The following DISC1 variants were observed in gnomAD, a reference collection of about 807,000 sequenced individuals.
The protein encoded by DISC1 is DISC1 scaffold protein, also known as disrupted in schizophrenia 1 protein.
In DISC1, 57 loss-of-function variants were observed where a neutral mutation model predicts 84.5. That is an observed-to-expected ratio of 0.67 (90% CI 0.55 to 0.84). The LOEUF (loss-of-function observed/expected upper bound fraction) is 0.84. DISC1 is among the 40% of genes least tolerant of loss of function. DISC1 has a pLI of 0.00. For missense variants in DISC1, 1,000 were observed against 1,057.8 expected, an observed-to-expected ratio of 0.95 and a Z score of 0.76; for synonymous variants, 411 against 415.2, an observed-to-expected ratio of 0.99 and a Z score of 0.12.
chr1:231,800,306 A>G (rs2079128698), intron 8 of DISC1, 96 bp downstream of exon 8: 1 of 969,660 alleles, frequency 1.0e-6, no homozygotes, highest in Non-Finnish European at 1.6e-6. Context: ...TTCCACTGTT[A>G]TTATGTCATT....
At chr1:231,953,892 A>G (rs1028178968) in intron 9 of DISC1, among the ~76,000 whole-genome samples, 2 of 152,242 alleles carry the variant, frequency 1.3e-5, no homozygotes, top group East Asian at 1.9e-4. Context: ...AGTTTCTTCA[A>G]ATCACTGGTC....
chr1:231,770,536 G>A (rs535706697), intron 5 of DISC1, among the ~76,000 whole-genome samples: 164 of 152,276 alleles, frequency 1.1e-3, no homozygotes, highest in Non-Finnish European at 1.8e-3. Context: ...TCATCCATCC[G>A]AAATGAAGTA....
At chr1:231,736,019 G>GCCCAGT (rs2072446489) in intron 3 of DISC1, among the ~76,000 whole-genome samples, 1 of 152,114 alleles carries the variant, frequency 6.6e-6, no homozygotes, top group South Asian at 2.1e-4. Context: ...TTGCTATGTT[G>GCCCAGT]CCCAGTCTGA....
chr1:231,817,817 A>T (rs535445727), intron 8 of DISC1, among the ~76,000 whole-genome samples: 18 of 152,294 alleles, frequency 1.2e-4, no homozygotes, highest in Admixed American at 5.9e-4. Context: ...ACTACCTATG[A>T]GTCAGGTGTT....
In DISC1 at chr1:231,691,046, G is replaced by A. The variant is rs151139653; in HGVS notation, c.68-2780G>A. ...CTTCCCAGGGCCCCGGTAGAAACAA[G>A]GGTTCACAGTGGGTAACCTCACTGT... is the stretch of plus-strand genomic sequence containing the variant. On this transcript the variant is annotated intron_variant, in intron 1 of 12. Transcript: ENST00000439617. Among the ~76,000 whole-genome samples the A allele has an allele frequency of 3.5e-4, 53 of 152,256 alleles. 1 individual carries two copies. In the East Asian group the frequency reaches 9.6e-3, roughly 28 times the overall value.
At chr1:231,864,652 C>T (rs896256438) in intron 9 of DISC1, among the ~76,000 whole-genome samples, 1 of 152,030 alleles carries the variant, frequency 6.6e-6, no homozygotes, top group Admixed American at 6.6e-5. Flanking sequence ...GACAGGGAGA[C>T]TCGTCTCAAA....
At chr1:231,845,530 G>T (rs1387600437) in intron 9 of DISC1, among the ~76,000 whole-genome samples, 2 of 152,122 alleles carry the variant, frequency 1.3e-5, no homozygotes, top group Non-Finnish European at 2.9e-5. Flanking sequence ...GTGACTTCTG[G>T]GGACAGTGTC....
chr1:231,763,187 C>T (rs936613322), intron 4 of DISC1, among the ~76,000 whole-genome samples: 28 of 152,048 alleles, frequency 1.8e-4, no homozygotes, highest in South Asian at 6.2e-4. Flanking sequence ...CAGCCTGATC[C>T]GCATTGACTC....
chr1:231,913,353 G>A (rs138661789), intron 9 of DISC1, among the ~76,000 whole-genome samples: 492 of 152,278 alleles, frequency 3.2e-3, no homozygotes, highest in Non-Finnish European at 5.9e-3. Flanking sequence ...AGTGGAAATT[G>A]ACACTTTCAG....
At chr1:231,884,332 G>A (rs184335037) in intron 9 of DISC1, among the ~76,000 whole-genome samples, 1 of 152,166 alleles carries the variant, frequency 6.6e-6, no homozygotes, top group Non-Finnish European at 1.5e-5. Flanking sequence ...CCACTTATAA[G>A]CGAGAACGTG....
At chr1:231,686,123 A>C (rs932194625) in intron 1 of DISC1, among the ~76,000 whole-genome samples, 6 of 152,076 alleles carry the variant, frequency 3.9e-5, no homozygotes, top group African/African-American at 7.2e-5. Context: ...GTTGGCACTG[A>C]GTGTCTGCAG....
At chr1:231,689,601 G>C (rs2064740024) in intron 1 of DISC1, among the ~76,000 whole-genome samples, 1 of 152,026 alleles carries the variant, frequency 6.6e-6, no homozygotes, top group Admixed American at 6.6e-5. Flanking sequence ...CAAAGTGCTG[G>C]GATTACAGGC....
In DISC1 at chr1:231,775,051, G is replaced by C. The variant is rs140921526; in HGVS notation, c.1634+3981G>C. On this transcript the variant is annotated intron_variant, in intron 6 of 12. Coordinates refer to ENST00000439617, the MANE Select transcript of DISC1 (RefSeq NM_018662.3). ...AGAGAGCCAGACAAATTGTGAAACA[G>C]GAAAACCTTGAAGTCTTATAAAGAG... Among the ~76,000 whole-genome samples, 222 of 152,268 alleles carry C rather than the reference G, an allele frequency of 1.5e-3. 6 individuals carry two copies. The East Asian group carries it at 0.033, about 22-fold the overall frequency.
At chr1:232,002,409 C>A (rs762151402) in intron 10 of DISC1, among the ~76,000 whole-genome samples, 9 of 152,256 alleles carry the variant, frequency 5.9e-5, no homozygotes, top group Non-Finnish European at 1.2e-4. Context: ...TAATTTCACA[C>A]AAACACCTAT....
At chr1:231,931,931 T>C (rs1342099587) in intron 9 of DISC1, among the ~76,000 whole-genome samples, 1 of 152,178 alleles carries the variant, frequency 6.6e-6, no homozygotes. Context: ...GTTTTACAAG[T>C]GTGAGCCACC....
intron 9 of DISC1, among the ~76,000 whole-genome samples, chr1:231,909,786 G>T (rs1465810777): frequency 6.6e-6 from 1 of 152,138 alleles, no homozygotes; most frequent in African/African-American, 2.4e-5. Flanking sequence ...GTAGAATTTG[G>T]CTGTGAATCC....
intron 3 of DISC1, chr1:231,720,808 TGA>T: frequency 7.8e-7 from 1 of 1,279,810 alleles, no homozygotes; most frequent in Non-Finnish European, 1.0e-6. Context: ...GAAGTGGTTC[TGA>T]GCAGCAGGTA....
intron 9 of DISC1, among the ~76,000 whole-genome samples, chr1:231,951,187 G>C (rs1004001403): frequency 6.6e-6 from 1 of 152,112 alleles, no homozygotes; most frequent in Non-Finnish European, 1.5e-5. Flanking sequence ...ATTCTCACTC[G>C]CGTTACTCAA....
At chr1:231,918,325 A>G (rs576228205) in intron 9 of DISC1, among the ~76,000 whole-genome samples, 1 of 152,328 alleles carries the variant, frequency 6.6e-6, no homozygotes, top group African/African-American at 2.4e-5. Flanking sequence ...TTGGAATTTC[A>G]TGTGAGATTA....
Sources: gnomAD v4.1 joint callset for allele counts (sites outside exome capture counted in the v4.1 genomes callset) on GRCh38, gnomAD v4.1.1 for gene constraint, MANE v1.5 for transcripts, NCBI Gene and HGNC (gene_info 2026-07-23, HGNC 2026-07-21) for gene names.